MAP3K20: variants seen among roughly 807,000 people sequenced by gnomAD.
MAP3K20 encodes mitogen-activated protein kinase kinase kinase 20, also known as HCCS-4.
Under a neutral mutation model 85.7 loss-of-function variants are expected in MAP3K20, and 40 were observed. That is an observed-to-expected ratio of 0.47 (90% CI 0.36 to 0.61). The LOEUF (loss-of-function observed/expected upper bound fraction) is 0.61, where lower values mean the gene tolerates loss of function less well. Among genes scored for constraint, MAP3K20 ranks in the 20% least tolerant of loss-of-function variants. The pLI is 0.00. For missense variants in MAP3K20, 817 were observed against 961.7 expected (o/e 0.85, Z 1.99); for synonymous variants, 325 against 327.7 (o/e 0.99, Z 0.09).
chr2:173,096,281 A>G (rs1233314650), intron 2 of MAP3K20, among the ~76,000 whole-genome samples: 1 of 152,174 alleles, frequency 6.6e-6, no homozygotes, highest in Non-Finnish European at 1.5e-5. Context: ...TTATAATCAG[A>G]AAAATTCAAT....
chr2:173,160,435 T>TA (rs1689624119), intron 2 of MAP3K20: 1 of 152,128 alleles, frequency 6.6e-6, no homozygotes, highest in African/African-American at 2.4e-5. Context: ...TATTTTTATT[T>TA]AAAAAAAGCC....
chr2:173,213,709 A>G (rs1683982595), intron 10 of MAP3K20, among the ~76,000 whole-genome samples: 2 of 152,238 alleles, frequency 1.3e-5, no homozygotes, highest in African/African-American at 4.8e-5. Context: ...CCCATGCTGT[A>G]CAGTGCGGTT....
chr2:173,078,719 C>T (rs1179994120), intron 1 of MAP3K20, among the ~76,000 whole-genome samples: 3 of 152,116 alleles, frequency 2.0e-5, no homozygotes, highest in African/African-American at 7.2e-5. Context: ...GAAATTAAAG[C>T]CTCAAATTGA....
intron 2 of MAP3K20, among the ~76,000 whole-genome samples, chr2:173,162,159 C>G (rs1161972301): frequency 6.6e-6 from 1 of 151,998 alleles, no homozygotes; most frequent in East Asian, 1.9e-4. Context: ...TGCCTTTTTT[C>G]TATACACATA....
chr2:173,172,495 G>C (rs1478641777), intron 3 of MAP3K20, among the ~76,000 whole-genome samples: 1 of 152,096 alleles, frequency 6.6e-6, no homozygotes, highest in Non-Finnish European at 1.5e-5. Flanking sequence ...TTCATAGATG[G>C]GTCACTGATG....
At chr2:173,140,596 C>T (rs560882385) in intron 2 of MAP3K20, among the ~76,000 whole-genome samples, 4 of 152,236 alleles carry the variant, frequency 2.6e-5, no homozygotes, top group African/African-American at 9.6e-5. Context: ...GTGATCCACC[C>T]GCTTTGGCCT....
chr2:173,203,078 T>G (rs1052008400), intron 8 of MAP3K20, among the ~76,000 whole-genome samples: 8 of 152,180 alleles, frequency 5.3e-5, no homozygotes, highest in Non-Finnish European at 1.2e-4. Context: ...TATGGTATAT[T>G]GAATTGTCTA....
intron 4 of MAP3K20, among the ~76,000 whole-genome samples, chr2:173,186,960 G>A (rs1275693946): frequency 6.6e-6 from 1 of 152,130 alleles, no homozygotes; most frequent in African/African-American, 2.4e-5. Flanking sequence ...TGTAACTACT[G>A]TATACTTTTT....
intron 16 of MAP3K20, among the ~76,000 whole-genome samples, chr2:173,241,432 G>A (rs1396025486): frequency 6.6e-6 from 1 of 152,082 alleles, no homozygotes; most frequent in Non-Finnish European, 1.5e-5. Context: ...GGGCAACACG[G>A]TGGAATCCCA....
intron 2 of MAP3K20, among the ~76,000 whole-genome samples, chr2:173,155,579 T>G (rs998906923): frequency 1.3e-5 from 2 of 152,224 alleles, no homozygotes; most frequent in Admixed American, 6.5e-5. Context: ...TTTCAATAAA[T>G]GTACAGATCA....
intron 2 of MAP3K20, among the ~76,000 whole-genome samples, chr2:173,129,048 C>T (rs1369490566): frequency 2.0e-5 from 3 of 151,394 alleles, no homozygotes; most frequent in Admixed American, 6.6e-5. Context: ...CTCAGCCTCC[C>T]GAGTAGCTGA....
At chr2:173,234,877 T>C (rs1398782842) in intron 14 of MAP3K20, among the ~76,000 whole-genome samples, 1 of 152,196 alleles carries the variant, frequency 6.6e-6, no homozygotes, top group Non-Finnish European at 1.5e-5. Context: ...TACACTTTGC[T>C]TCTGGAAGTT....
chr2:173,185,945 T>A (rs1332683396), intron 4 of MAP3K20, among the ~76,000 whole-genome samples: 1 of 152,212 alleles, frequency 6.6e-6, no homozygotes, highest in Non-Finnish European at 1.5e-5. Context: ...CTGATGAAAG[T>A]ATTTTTCAGC....
intron 10 of MAP3K20, chr2:173,210,842 T>A (rs1559280893): frequency 6.6e-6 from 1 of 152,226 alleles, no homozygotes; most frequent in Admixed American, 6.5e-5. Context: ...TGTTTACTCC[T>A]GTTACTAGAT....
chr2:173,203,612 G>C (rs1559276824), intron 8 of MAP3K20, among the ~76,000 whole-genome samples, 184 bp from the exon 9 acceptor site: 1 of 152,132 alleles, frequency 6.6e-6, no homozygotes, highest in Non-Finnish European at 1.5e-5. Context: ...AAAAGTATGA[G>C]TCTTTAGAGA....
rs188288732 is a variant in MAP3K20 at position 173,225,749 on chromosome 2, G to C, written c.988-3940G>C. ...AAACAAAATGTATTTTTAGAATTAC[G>C]GCAGCATACGACCTGAATTTTGTGA... On this transcript the variant is annotated intron_variant, in intron 11 of 19. Transcript: ENST00000375213. The C allele has an allele frequency of 2.9e-5, 29 of 984,650 alleles. No homozygotes were observed. In the Middle Eastern group the frequency reaches 2.6e-3, roughly 89 times the overall value. 61.0% of individuals were successfully genotyped at this position (984,650 alleles called of 1,614,324 possible).
chr2:173,113,010 G>A (rs558986633), intron 2 of MAP3K20, among the ~76,000 whole-genome samples: 15 of 152,124 alleles, frequency 9.9e-5, no homozygotes, highest in African/African-American at 3.4e-4. Context: ...TTCTTTGAAT[G>A]TCTGCTAGAA....
intron 14 of MAP3K20, among the ~76,000 whole-genome samples, chr2:173,234,605 C>T (rs1574143143): frequency 6.6e-6 from 1 of 151,886 alleles, no homozygotes; most frequent in East Asian, 1.9e-4. Context: ...GGAATGTAGA[C>T]CAGGAAAGGA....
chr2:173,210,090 G>A (rs920564943), intron 10 of MAP3K20: 12 of 401,190 alleles, frequency 3.0e-5, no homozygotes, highest in South Asian at 1.9e-4. Context: ...GGTGGCTCAC[G>A]CCTGTAATCC....
Sources: gnomAD v4.1 joint callset for allele counts (sites outside exome capture counted in the v4.1 genomes callset) on GRCh38, gnomAD v4.1.1 for gene constraint, MANE v1.5 for transcripts, NCBI Gene and HGNC (gene_info 2026-07-23, HGNC 2026-07-21) for gene names.